RBFOX1: variants seen among roughly 807,000 people sequenced by gnomAD.
RBFOX1 encodes the protein RNA binding fox-1 homolog 1, also known as RNA binding protein fox-1 homolog 1.
A neutral mutation model predicts 57.7 loss-of-function variants in RBFOX1; 8 were observed. That is an observed-to-expected ratio of 0.14 (90% CI 0.08 to 0.25). The LOEUF (loss-of-function observed/expected upper bound fraction) is 0.25. Ranked by LOEUF, RBFOX1 falls within the 10% of genes least tolerant of loss-of-function variation. The probability of loss-of-function intolerance (pLI) is 1.00; values close to 1 mark genes in which losing one functional copy is unlikely to be tolerated. For synonymous variants in RBFOX1, 326 were observed against 222.4 expected (o/e 1.47, Z -4.15); for missense variants, 611 against 548.5 (o/e 1.11, Z -1.14).
At chr16:7,295,926 T>TGTTTG (rs771341608) in intron 4 of RBFOX1, among the ~76,000 whole-genome samples, 1 of 152,028 alleles carries the variant, frequency 6.6e-6, no homozygotes, top group Non-Finnish European at 1.5e-5. Context: ...ATGAGAAGGG[T>TGTTTG]GTTTGGTTTG....
At chr16:7,163,228 G>C (rs1036377518) in intron 4 of RBFOX1, among the ~76,000 whole-genome samples, 2 of 152,096 alleles carry the variant, frequency 1.3e-5, no homozygotes, top group African/African-American at 4.8e-5. Context: ...GAGTCTACTG[G>C]CCAATTTCTT....
chr16:5,411,553 C>T (rs1037566783), intron 1 of RBFOX1, among the ~76,000 whole-genome samples: 9 of 152,170 alleles, frequency 5.9e-5, no homozygotes, highest in South Asian at 2.1e-4. Context: ...AGATGGCAAA[C>T]GTGTGTTGTT....
intron 2 of RBFOX1, among the ~76,000 whole-genome samples, chr16:6,445,332 T>G (rs1057018896): frequency 2.6e-5 from 4 of 152,222 alleles, no homozygotes; most frequent in East Asian, 1.9e-4. Context: ...AAGATTTTCT[T>G]TTAGAGACTT....
intron 2 of RBFOX1, among the ~76,000 whole-genome samples, chr16:5,476,768 C>G (rs968621233): frequency 6.6e-6 from 1 of 152,170 alleles, no homozygotes; most frequent in African/African-American, 2.4e-5. Context: ...TGTGCAGACC[C>G]TGCCTTTAAC....
intron 3 of RBFOX1, among the ~76,000 whole-genome samples, chr16:6,758,273 A>G (rs920168014): frequency 2.6e-5 from 4 of 152,006 alleles, no homozygotes; most frequent in African/African-American, 9.7e-5. Context: ...GTTGGTGTAA[A>G]CTAGAGATAA....
chr16:5,318,134 T>A (rs76601797), intron 1 of RBFOX1, among the ~76,000 whole-genome samples: 1 of 151,846 alleles, frequency 6.6e-6, no homozygotes, highest in Admixed American at 6.6e-5. Flanking sequence ...TGTTTTTTTT[T>A]ATTATTATTT....
chr16:6,543,239 G>A (rs1227345188), intron 2 of RBFOX1, among the ~76,000 whole-genome samples: 5 of 152,056 alleles, frequency 3.3e-5, no homozygotes, highest in Non-Finnish European at 4.4e-5. Context: ...TTTGGATGGC[G>A]TCTCCTCCAT....
At chr16:7,361,670 G>A (rs774557345) in intron 4 of RBFOX1, among the ~76,000 whole-genome samples, 3 of 152,194 alleles carry the variant, frequency 2.0e-5, no homozygotes, top group Non-Finnish European at 2.9e-5. Context: ...CTTGGATATG[G>A]CTGAGCCACG....
chr16:5,765,775 G>T (rs2053755332), intron 3 of RBFOX1, among the ~76,000 whole-genome samples: 1 of 152,172 alleles, frequency 6.6e-6, no homozygotes, highest in African/African-American at 2.4e-5. Context: ...TTTGGATATG[G>T]GCTCTGGCTT....
intron 4 of RBFOX1, among the ~76,000 whole-genome samples, chr16:7,403,673 A>G (rs953090918): frequency 6.7e-6 from 1 of 149,920 alleles, no homozygotes; most frequent in Admixed American, 6.7e-5. Context: ...CAGCCTCCTG[A>G]ATAGCTGGGA....
intron 4 of RBFOX1, among the ~76,000 whole-genome samples, chr16:7,272,832 C>G (rs896249983): frequency 2.7e-5 from 4 of 149,950 alleles, no homozygotes; most frequent in Non-Finnish European, 5.9e-5. Context: ...TCCTCTCCTC[C>G]CTCCCCTCCC....
At chr16:5,777,734 A>C (rs2054192827) in intron 3 of RBFOX1, among the ~76,000 whole-genome samples, 1 of 152,222 alleles carries the variant, frequency 6.6e-6, no homozygotes, top group Non-Finnish European at 1.5e-5. Context: ...CAATACATAC[A>C]TAAAATTGTT....
At chr16:6,287,927 T>G (rs936712914) in intron 1 of RBFOX1, among the ~76,000 whole-genome samples, 5 of 152,284 alleles carry the variant, frequency 3.3e-5, no homozygotes, top group African/African-American at 1.2e-4. Context: ...TGTCCTAAAA[T>G]TTTCTAAGTT....
rs189656203 is a variant in RBFOX1 at position 6,273,437 on chromosome 16, T to C, written c.-126-43558T>C. On this transcript the variant is annotated intron_variant, in intron 1 of 15. Transcript: ENST00000550418. ...TAGACTCACTGCAACCTCTGCCTCCTAGCTTCCAGCGATTCTCCTGCCTCA... is the reference window on the plus strand; with the variant it reads ...TAGACTCACTGCAACCTCTGCCTCCCAGCTTCCAGCGATTCTCCTGCCTCA... Among the ~76,000 whole-genome samples the C allele has an allele frequency of 5.6e-3, 782 of 139,250 alleles. 7 individuals carry two copies. The highest frequency in any genetic ancestry group is 0.019 in the African/African-American group (721 of 38,240). The allele number at this position is 139,250 out of a possible 152,430, so 91.4% of individuals were successfully genotyped here.
intron 1 of RBFOX1, among the ~76,000 whole-genome samples, chr16:6,176,953 A>T (rs1310177195): frequency 6.6e-6 from 1 of 152,176 alleles, no homozygotes; most frequent in African/African-American, 2.4e-5. Context: ...ATAGTGGTTC[A>T]ACCTGTCTTG....
At chr16:5,419,026 G>A (rs2151480710) in intron 1 of RBFOX1, among the ~76,000 whole-genome samples, 1 of 152,262 alleles carries the variant, frequency 6.6e-6, no homozygotes, top group Admixed American at 6.5e-5. Context: ...AGGTGGGGAA[G>A]GTACCTCACA....
intron 3 of RBFOX1, among the ~76,000 whole-genome samples, chr16:5,856,575 G>GTGTGTGTATA (rs1192496608): frequency 9.1e-5 from 3 of 32,926 alleles, no homozygotes; most frequent in African/African-American, 3.8e-4. Flanking sequence ...GTGTGTGTGT[G>GTGTGTGTATA]TATATATATA....
intron 4 of RBFOX1, among the ~76,000 whole-genome samples, chr16:7,425,931 C>G (rs1348120722): frequency 2.6e-5 from 4 of 152,212 alleles, no homozygotes; most frequent in South Asian, 4.1e-4. Flanking sequence ...CCAGATTCTC[C>G]TCAGTGTTTA....
chr16:5,418,091 A>T (rs969015288), intron 1 of RBFOX1, among the ~76,000 whole-genome samples: 1 of 151,790 alleles, frequency 6.6e-6, no homozygotes, highest in Non-Finnish European at 1.5e-5. Flanking sequence ...CAACAACAAC[A>T]ACAACAACAA....
Sources: allele counts gnomAD v4.1 joint callset (sites outside exome capture counted in the v4.1 genomes callset), GRCh38; gene constraint gnomAD v4.1.1; transcripts MANE v1.5; gene names NCBI Gene and HGNC (gene_info 2026-07-23, HGNC 2026-07-21).